LRRC28: variants seen among roughly 807,000 people sequenced by gnomAD.
LRRC28 encodes the protein leucine-rich repeat-containing protein 28.
A neutral mutation model predicts 45.7 loss-of-function variants in LRRC28; 39 were observed. That is an observed-to-expected ratio of 0.85 (90% confidence interval 0.66 to 1.12). The LOEUF (loss-of-function observed/expected upper bound fraction) is 1.12, where lower values mean the gene tolerates loss of function less well. Ranked by LOEUF, LRRC28 falls within the 50% of genes most tolerant of loss-of-function variation. LRRC28 has a pLI of 0.00. For missense variants in LRRC28, 435 were observed against 438.5 expected, an observed-to-expected ratio of 0.99 and a Z score of 0.07; for synonymous variants, 206 against 178.8, an observed-to-expected ratio of 1.15 and a Z score of -1.22.
At chr15:99,341,346 C>T (rs1956505368) in intron 6 of LRRC28, among the ~76,000 whole-genome samples, 1 of 152,146 alleles carries the variant, frequency 6.6e-6, no homozygotes, top group Non-Finnish European at 1.5e-5. Context: ...CCTGGCTCAG[C>T]CTCCCAAAGT....
At chr15:99,334,399 A>C (rs561692163) in intron 6 of LRRC28, among the ~76,000 whole-genome samples, 1 of 126,972 alleles carries the variant, frequency 7.9e-6, no homozygotes, top group Admixed American at 7.7e-5. Flanking sequence ...AAAGGAATTA[A>C]AGAGTGTGTG....
At chr15:99,290,825 G>C (rs1053514006) in intron 5 of LRRC28, among the ~76,000 whole-genome samples, 1 of 151,844 alleles carries the variant, frequency 6.6e-6, no homozygotes, top group Non-Finnish European at 1.5e-5. Flanking sequence ...AAAATTAGCC[G>C]TGCATGGTGA....
chr15:99,338,323 TCTAATG>T (rs1956395038), intron 6 of LRRC28: 1 of 152,408 alleles, frequency 6.6e-6, no homozygotes, highest in Non-Finnish European at 1.5e-5. Flanking sequence ...ACCAAAGCCA[TCTAATG>T]CTAAGAACTA....
chr15:99,259,434 G>A (rs748894329), intron 2 of LRRC28: 5 of 1,343,826 alleles, frequency 3.7e-6, no homozygotes, highest in Non-Finnish European at 5.4e-6. Context: ...ACTAAGGAGA[G>A]TCATGAAGCA....
In LRRC28 at chr15:99,287,895, T is replaced by TG; in HGVS notation, c.330dup (p.Arg111GlufsTer10). 6.2e-7 allele frequency: 1 copy of TG among 1,613,936 alleles called. No homozygotes were observed. The highest frequency in any genetic ancestry group is 8.5e-7 in the Non-Finnish European group (1 of 1,179,900). ...ATTGTTTGCCCAGAAATTGGTCGTC[T>TG]GAGAGCTTTACGTCATCTTCGATTA... On this transcript the variant is annotated frameshift_variant, in exon 5 of 10. Transcript: ENST00000301981. LOFTEE classifies it high-confidence loss of function.
chr15:99,285,435 A>C, intron 3 of LRRC28: 1 of 788,072 alleles, frequency 1.3e-6, no homozygotes, highest in Non-Finnish European at 2.3e-6. Context: ...TGGTGTTGGG[A>C]TCTCCCATGA....
At chr15:99,348,747 G>T (rs944087747) in intron 6 of LRRC28, among the ~76,000 whole-genome samples, 33 of 115,946 alleles carry the variant, frequency 2.8e-4, no homozygotes, top group African/African-American at 6.9e-4. Flanking sequence ...TTTTTTTGTT[G>T]TTTTTTTTTT....
intron 9 of LRRC28, 162 bp downstream of exon 9, chr15:99,363,427 C>T: frequency 1.4e-6 from 1 of 704,820 alleles, no homozygotes. Context: ...TTCAACATCA[C>T]AAGAAAACTG....
chr15:99,259,117 G>T, intron 2 of LRRC28: 1 of 1,324,730 alleles, frequency 7.5e-7, no homozygotes. Context: ...AAGACCACTC[G>T]AATCGAACAT....
At chr15:99,340,779 CAT>C (rs1426506567) in intron 6 of LRRC28, among the ~76,000 whole-genome samples, 21 of 152,112 alleles carry the variant, frequency 1.4e-4, no homozygotes, top group Admixed American at 1.3e-3. Context: ...GGGGCCCAAA[CAT>C]GTGACAAAAT....
At chr15:99,360,605 T>A (rs1957173722) in intron 7 of LRRC28, among the ~76,000 whole-genome samples, 1 of 152,238 alleles carries the variant, frequency 6.6e-6, no homozygotes, top group Non-Finnish European at 1.5e-5. Context: ...AGTGATATTA[T>A]TTCATGTTGT....
chr15:99,282,974 C>T (rs1468839229), intron 3 of LRRC28, among the ~76,000 whole-genome samples: 1 of 152,066 alleles, frequency 6.6e-6, no homozygotes, highest in Non-Finnish European at 1.5e-5. Flanking sequence ...TGCACTGCAA[C>T]CTCCGCCTCC....
chr15:99,359,896 G>A (rs1343420310), intron 7 of LRRC28, among the ~76,000 whole-genome samples: 2 of 152,084 alleles, frequency 1.3e-5, no homozygotes, highest in African/African-American at 2.4e-5. Context: ...TACCCATAAT[G>A]ATATTCCATA....
intron 3 of LRRC28, chr15:99,284,501 T>C: frequency 2.2e-6 from 1 of 453,580 alleles, no homozygotes; most frequent in South Asian, 1.6e-5. Flanking sequence ...GTCTTCTTTG[T>C]AGCAGGTAGG....
In LRRC28 at chr15:99,291,958, G is replaced by A. The variant is rs566807131; in HGVS notation, c.385+4007G>A. ...ATTTAGCACCTTCTCATGTATTTAT[G>A]GGCTATTCCAAATCTTTTTGAATTA... On this transcript the variant is annotated intron_variant, in intron 5 of 9. Transcript: ENST00000301981. Among the ~76,000 whole-genome samples, 6 of 152,212 alleles carry A rather than the reference G, an allele frequency of 3.9e-5. No individual in the cohort carries two copies. In the East Asian group the frequency reaches 1.2e-3, roughly 29 times the overall value.
chr15:99,298,761 T>G (rs2082327222), intron 5 of LRRC28, among the ~76,000 whole-genome samples: 1 of 152,130 alleles, frequency 6.6e-6, no homozygotes, highest in South Asian at 2.1e-4. Context: ...CAGGCTGGAG[T>G]GCAGTGGTGC....
chr15:99,333,208 C>G (rs1956213342), intron 5 of LRRC28, among the ~76,000 whole-genome samples: 7 of 152,136 alleles, frequency 4.6e-5, no homozygotes, highest in Admixed American at 3.3e-4. Flanking sequence ...TGAAAAGGAC[C>G]TAATTGTACT....
At position 99,352,491 on chromosome 15, in the gene LRRC28, T is replaced by G. The variant is rs535304770; in HGVS notation, c.695+20T>G. 1.3e-6 allele frequency: 2 copies of G among 1,581,100 alleles called. No individual in the cohort carries two copies. The highest frequency in any genetic ancestry group is 4.5e-5 in the East Asian group (2 of 44,690). ...CAGTGGGTAAGGCCGATTTCACATT[T>G]TGAACTAAAAAATAGATTAACTACT... is the stretch of plus-strand genomic sequence containing the variant. On this transcript the variant is annotated intron_variant, in intron 7 of 9. Coordinates refer to ENST00000301981, the MANE Select transcript of LRRC28 (RefSeq NM_144598.5).
rs560385621 is a variant in LRRC28 at position 99,374,957 on chromosome 15, G to A, written c.1032-11073G>A. 1.2e-3 allele frequency among the ~76,000 whole-genome samples: 176 copies of A among 152,024 alleles called. 2 individuals carry two copies. Among genetic ancestry groups the A allele is most frequent in the African/African-American group, 3.6e-3 (151 of 41,478 alleles). The stretch of plus-strand genomic sequence containing the variant: ...GCTGGGATTACAGGCATGAGCCACC[G>A]CACCCAGCTGCCTTGTTCCCAGTCT... On this transcript the variant is annotated intron_variant, in intron 9 of 9. Coordinates refer to ENST00000301981, the MANE Select transcript of LRRC28 (RefSeq NM_144598.5).
Sources: allele counts gnomAD v4.1 joint callset (sites outside exome capture counted in the v4.1 genomes callset), GRCh38; gene constraint gnomAD v4.1.1; transcripts MANE v1.5; gene names NCBI Gene and HGNC (gene_info 2026-07-23, HGNC 2026-07-21).